Variants in NIBAN1 observed in about 807,000 individuals in gnomAD.
NIBAN1 encodes niban apoptosis regulator 1.
In NIBAN1, 81 loss-of-function variants were observed where a neutral mutation model predicts 75.1. That is an observed-to-expected ratio of 1.08 (90% CI 0.90 to 1.30). The LOEUF (loss-of-function observed/expected upper bound fraction) is 1.30. Ranked by LOEUF, NIBAN1 falls within the 50% of genes most tolerant of loss-of-function variation. The pLI, the probability that NIBAN1 is intolerant of heterozygous loss-of-function variation, is 0.00. For missense variants in NIBAN1, 1,133 were observed against 1,128.1 expected, an observed-to-expected ratio of 1.00 and a Z score of -0.06; for synonymous variants, 436 against 424.8, an observed-to-expected ratio of 1.03 and a Z score of -0.32.
At chr1:184,924,602 G>A (rs1657638453) in intron 1 of NIBAN1, among the ~76,000 whole-genome samples, 1 of 152,086 alleles carries the variant, frequency 6.6e-6, no homozygotes, top group Non-Finnish European at 1.5e-5. Flanking sequence ...AGAATAGTTT[G>A]GGTAGGATTG....
chr1:184,805,911 T>G (rs1352727249), intron 11 of NIBAN1, 35 bp downstream of exon 11: 10 of 1,558,904 alleles, frequency 6.4e-6, no homozygotes, highest in Non-Finnish European at 8.8e-6. Flanking sequence ...CACGTTCTCT[T>G]TTTATGCTTC....
chr1:184,965,028 G>C (rs922751775), intron 1 of NIBAN1, among the ~76,000 whole-genome samples: 1 of 152,152 alleles, frequency 6.6e-6, no homozygotes. Flanking sequence ...GGCCGGGCGC[G>C]GCGGCTCACG....
At chr1:184,803,551 A>G in intron 12 of NIBAN1, 34 bp downstream of exon 12, 1 of 1,549,992 alleles carries the variant, frequency 6.5e-7, no homozygotes, top group Non-Finnish European at 8.9e-7. Context: ...AGAGGTAAGA[A>G]GAGCAAGCTC....
intron 5 of NIBAN1, among the ~76,000 whole-genome samples, chr1:184,854,533 AACCCT>A (rs1655625884): frequency 6.6e-6 from 1 of 152,206 alleles, no homozygotes; most frequent in Non-Finnish European, 1.5e-5. Flanking sequence ...CTCACTCATA[AACCCT>A]ACCTCATGGG....
At chr1:184,815,718 C>G (rs942554269) in intron 9 of NIBAN1, among the ~76,000 whole-genome samples, 1 of 152,142 alleles carries the variant, frequency 6.6e-6, no homozygotes, top group Admixed American at 6.5e-5. Context: ...AATGAAGGCC[C>G]AGTGTAGGTG....
intron 1 of NIBAN1, among the ~76,000 whole-genome samples, chr1:184,946,405 A>G (rs543598860): frequency 6.6e-6 from 1 of 152,362 alleles, no homozygotes; most frequent in African/African-American, 2.4e-5. Flanking sequence ...TAAGAATGCT[A>G]AACTATTGTT....
At chr1:184,839,545 CTGTG>C (rs113049406) in intron 5 of NIBAN1, among the ~76,000 whole-genome samples, 74 of 148,728 alleles carry the variant, frequency 5.0e-4, no homozygotes, top group Middle Eastern at 3.5e-3. Context: ...ACATGCATTC[CTGTG>C]TGTGTGTGTG....
At chr1:184,918,879 T>C (rs142548220) in intron 1 of NIBAN1, among the ~76,000 whole-genome samples, 1 of 152,308 alleles carries the variant, frequency 6.6e-6, no homozygotes, top group African/African-American at 2.4e-5. Flanking sequence ...ATTAGCTGTA[T>C]AGTGAGTGTA....
intron 3 of NIBAN1, among the ~76,000 whole-genome samples, chr1:184,891,187 G>C (rs1014416169): frequency 3.3e-5 from 5 of 152,160 alleles, no homozygotes; most frequent in Non-Finnish European, 7.3e-5. Context: ...CTAATCAACT[G>C]CTTAAGCATG....
At chr1:184,886,090 T>C (rs757873277) in intron 4 of NIBAN1, among the ~76,000 whole-genome samples, 3 of 152,074 alleles carry the variant, frequency 2.0e-5, no homozygotes, top group Admixed American at 6.6e-5. Flanking sequence ...CTCTCTTCCC[T>C]CCTTTCCATC....
At chr1:184,903,862 G>C (rs942223880) in intron 1 of NIBAN1, among the ~76,000 whole-genome samples, 1 of 146,206 alleles carries the variant, frequency 6.8e-6, no homozygotes, top group Non-Finnish European at 1.5e-5. Flanking sequence ...TCAGCCTCCT[G>C]AGTAGTTGGG....
chr1:184,823,073 A>G (rs551990521), intron 8 of NIBAN1, 94 bp downstream of exon 8: 1 of 1,431,124 alleles, frequency 7.0e-7, no homozygotes, highest in Admixed American at 1.9e-5. Context: ...TCTTAAGTGT[A>G]ATTATCCTCT....
chr1:184,814,058 G>A (rs566095358), intron 9 of NIBAN1, among the ~76,000 whole-genome samples: 1 of 152,296 alleles, frequency 6.6e-6, no homozygotes, highest in African/African-American at 2.4e-5. Context: ...ATATGGAAAT[G>A]TAAATTTTTG....
intron 5 of NIBAN1, among the ~76,000 whole-genome samples, chr1:184,878,764 T>C (rs1656299216): frequency 1.3e-5 from 2 of 152,178 alleles, no homozygotes; most frequent in Admixed American, 1.3e-4. Flanking sequence ...CAACATGATA[T>C]CTACAACTGA....
At chr1:184,955,616 C>G (rs934941320) in intron 1 of NIBAN1, among the ~76,000 whole-genome samples, 3 of 152,116 alleles carry the variant, frequency 2.0e-5, no homozygotes, top group African/African-American at 7.2e-5. Flanking sequence ...GGATTACAGG[C>G]GTGAGCCACA....
At chr1:184,945,723 A>C (rs1036269494) in intron 1 of NIBAN1, among the ~76,000 whole-genome samples, 1 of 152,218 alleles carries the variant, frequency 6.6e-6, no homozygotes, top group Admixed American at 6.5e-5. Flanking sequence ...TAGACAAAAG[A>C]CATTTACCCT....
At chr1:184,920,242 A>G (rs1193938900) in intron 1 of NIBAN1, among the ~76,000 whole-genome samples, 1 of 152,216 alleles carries the variant, frequency 6.6e-6, no homozygotes, top group Admixed American at 6.5e-5. Context: ...GGCTATTTGA[A>G]GCGATCATAA....
At chr1:184,839,626 A>G (rs540081) in intron 5 of NIBAN1, among the ~76,000 whole-genome samples, 91,272 of 149,852 alleles carry the variant, frequency 0.61, 28,315 homozygotes, top group African/African-American at 0.74. Flanking sequence ...ACGTAGTTTC[A>G]CTCTTGTTGC....
chr1:184,974,266 A>T, intron 1 of NIBAN1, 36 bp downstream of exon 1: 1 of 1,536,202 alleles, frequency 6.5e-7, no homozygotes, highest in Non-Finnish European at 8.7e-7. Flanking sequence ...TGCACGGGTC[A>T]GGGTGCTCCC....
Sources: gnomAD v4.1 joint callset for allele counts (sites outside exome capture counted in the v4.1 genomes callset) on GRCh38, gnomAD v4.1.1 for gene constraint, MANE v1.5 for transcripts, NCBI Gene and HGNC (gene_info 2026-07-23, HGNC 2026-07-21) for gene names.